COL25A1: variants seen among roughly 807,000 people sequenced by gnomAD.
The protein encoded by COL25A1 is collagen alpha-1(XXV) chain.
In COL25A1, 103 loss-of-function variants were observed where a neutral mutation model predicts 128.4. That is an observed-to-expected ratio of 0.80 (90% CI 0.68 to 0.94). The LOEUF is 0.94. Among genes scored for constraint, COL25A1 ranks in the 40% least tolerant of loss-of-function variants. The pLI is 0.00. For synonymous variants in COL25A1, 279 were observed against 277.2 expected, an observed-to-expected ratio of 1.01 and a Z score of -0.06; for missense variants, 745 against 840.0, an observed-to-expected ratio of 0.89 and a Z score of 1.40.
intron 3 of COL25A1, among the ~76,000 whole-genome samples, chr4:109,248,281 C>G (rs1780414955): frequency 6.6e-6 from 1 of 152,152 alleles, no homozygotes; most frequent in Non-Finnish European, 1.5e-5. Flanking sequence ...TTTTTAGACT[C>G]TCAAACTTTT....
chr4:108,893,719 T>C (rs931459281), intron 16 of COL25A1, among the ~76,000 whole-genome samples: 1 of 152,128 alleles, frequency 6.6e-6, no homozygotes, highest in Non-Finnish European at 1.5e-5. Context: ...TTTTTACATC[T>C]CAAACTTGGT....
chr4:109,268,720 A>G (rs1170319388), intron 3 of COL25A1, among the ~76,000 whole-genome samples: 1 of 152,178 alleles, frequency 6.6e-6, no homozygotes, highest in African/African-American at 2.4e-5. Flanking sequence ...TGCTCAAAGG[A>G]AACAAATCGA....
rs185087568 is a variant in COL25A1, at chr4:108,836,695, T to G, written c.1657-4262A>C. Among the ~76,000 whole-genome samples the G allele has an allele frequency of 1.1e-4, 17 of 152,128 alleles. 1 individual carries two copies. In the East Asian group the frequency reaches 3.3e-3, roughly 29 times the overall value. ...AACTGTAATAATTTTACACTGATAATATTATATCTACCTAGAATGCTGAAA... is the reference window on the plus strand; with the variant it reads ...AACTGTAATAATTTTACACTGATAAGATTATATCTACCTAGAATGCTGAAA... On this transcript the variant is annotated intron_variant, in intron 31 of 37. Coordinates refer to ENST00000399132, the MANE Select transcript of COL25A1 (RefSeq NM_198721.4).
intron 18 of COL25A1, among the ~76,000 whole-genome samples, chr4:108,888,902 G>C (rs1200345075): frequency 6.6e-6 from 1 of 152,108 alleles, no homozygotes; most frequent in Admixed American, 6.6e-5. Flanking sequence ...AAAAAAGATA[G>C]AAACATGCAG....
chr4:109,116,303 T>C (rs1309636979), intron 3 of COL25A1, among the ~76,000 whole-genome samples: 1 of 152,072 alleles, frequency 6.6e-6, no homozygotes, highest in Non-Finnish European at 1.5e-5. Context: ...CAGCATTTTA[T>C]TCTTGTCAAC....
At chr4:109,051,992 C>G (rs1032969277) in intron 3 of COL25A1, among the ~76,000 whole-genome samples, 28 of 152,154 alleles carry the variant, frequency 1.8e-4, no homozygotes, top group African/African-American at 6.5e-4. Context: ...TGACCGTTGT[C>G]TCACCTACAA....
intron 3 of COL25A1, among the ~76,000 whole-genome samples, chr4:109,246,871 G>A (rs145039957): frequency 5.7e-4 from 87 of 152,210 alleles, no homozygotes; most frequent in Non-Finnish European, 1.0e-3. Flanking sequence ...CGTGGAAAAT[G>A]CACAAAATAT....
Position 108,940,633 on chromosome 4 carries a change from T to C in COL25A1, c.578A>G (p.Gln193Arg). The C allele has an allele frequency of 6.3e-7, 1 of 1,596,970 alleles. No homozygotes were observed. Reference sequence around the variant, plus strand: ...GCCAGGGGGTCCTGGAGGCCCTGCCTGTCCTTGGTCACCCTGTGATGGAGA... The same window carrying C: ...GCCAGGGGGTCCTGGAGGCCCTGCCCGTCCTTGGTCACCCTGTGATGGAGA... ...KRRLIKGDQG[Q>R]AGPPGPPGPP... The change falls in exon 10 of 38, where the codon CAG (glutamine) becomes CGG (arginine). Residue 193 changes from glutamine to arginine, a missense_variant. Gln to Arg is a conservative substitution (Grantham distance 43, BLOSUM62 1). Coordinates refer to ENST00000399132, the MANE Select transcript of COL25A1 (RefSeq NM_198721.4).
intron 11 of COL25A1, among the ~76,000 whole-genome samples, chr4:108,931,658 G>A (rs191006210): frequency 5.8e-4 from 89 of 152,256 alleles, no homozygotes; most frequent in Non-Finnish European, 7.1e-4. Context: ...GTCTGTGCAC[G>A]TAGGAATCAA....
intron 3 of COL25A1, among the ~76,000 whole-genome samples, chr4:109,138,982 C>T (rs961111566): frequency 2.0e-5 from 3 of 152,184 alleles, no homozygotes; most frequent in Admixed American, 6.5e-5. Flanking sequence ...GCTGGGATTA[C>T]ACGCATGAGC....
chr4:109,069,311 A>G (rs756787097), intron 3 of COL25A1, among the ~76,000 whole-genome samples: 1 of 151,872 alleles, frequency 6.6e-6, no homozygotes, highest in Non-Finnish European at 1.5e-5. Flanking sequence ...TCCCTGGCTC[A>G]ATCAATTCTC....
chr4:109,257,677 C>T (rs779098658), intron 3 of COL25A1, among the ~76,000 whole-genome samples: 1 of 152,120 alleles, frequency 6.6e-6, no homozygotes, highest in Non-Finnish European at 1.5e-5. Context: ...AGTAAGCATG[C>T]TGTAGTTGGA....
At chr4:109,244,455 A>G (rs542157193) in intron 3 of COL25A1, among the ~76,000 whole-genome samples, 14 of 152,298 alleles carry the variant, frequency 9.2e-5, no homozygotes, top group African/African-American at 3.4e-4. Context: ...AGTAATTTGC[A>G]ACAATTTTAA....
intron 6 of COL25A1, among the ~76,000 whole-genome samples, chr4:108,992,141 A>G (rs1754290518): frequency 6.6e-6 from 1 of 152,246 alleles, no homozygotes; most frequent in African/African-American, 2.4e-5. Flanking sequence ...TTTTTTTCTC[A>G]CTGAGTAATA....
At chr4:109,184,480 C>T (rs953111861) in intron 3 of COL25A1, among the ~76,000 whole-genome samples, 6 of 152,112 alleles carry the variant, frequency 3.9e-5, no homozygotes, top group African/African-American at 7.2e-5. Context: ...AGACGCAAGC[C>T]GGCTGCACTG....
intron 3 of COL25A1, among the ~76,000 whole-genome samples, chr4:109,245,459 T>C (rs182237919): frequency 6.6e-6 from 1 of 152,158 alleles, no homozygotes; most frequent in Non-Finnish European, 1.5e-5. Context: ...TCCTATCATA[T>C]GTGTGGAGCA....
At chr4:108,926,418 GC>G (rs1746069492) in intron 11 of COL25A1, among the ~76,000 whole-genome samples, 1 of 152,110 alleles carries the variant, frequency 6.6e-6, no homozygotes, top group South Asian at 2.1e-4. Context: ...GAGGATAAAA[GC>G]CCAAAACTAT....
chr4:108,818,847 A>G (rs999673285), intron 36 of COL25A1, among the ~76,000 whole-genome samples: 1 of 143,378 alleles, frequency 7.0e-6, no homozygotes, highest in African/African-American at 2.5e-5. Flanking sequence ...ATAGCGAAAA[A>G]GGCAGAAATA....
intron 6 of COL25A1, among the ~76,000 whole-genome samples, chr4:108,976,906 G>C (rs1461412795): frequency 6.6e-6 from 1 of 152,074 alleles, no homozygotes; most frequent in Non-Finnish European, 1.5e-5. Flanking sequence ...ACCTGTTATT[G>C]CATTTAATCT....
Sources: allele counts gnomAD v4.1 joint callset (sites outside exome capture counted in the v4.1 genomes callset), GRCh38; gene constraint gnomAD v4.1.1; transcripts MANE v1.5; gene names NCBI Gene and HGNC (gene_info 2026-07-23, HGNC 2026-07-21).